Variants in GDPGP1 observed in about 807,000 individuals in gnomAD.
The protein encoded by GDPGP1 is GDP-D-glucose phosphorylase 1.
GDPGP1 carries 18 observed loss-of-function variants against 19.2 expected under a neutral mutation model. That is an observed-to-expected ratio of 0.94 (90% CI 0.65 to 1.39). GDPGP1 has a LOEUF of 1.39. GDPGP1 is among the 40% of genes most tolerant of loss of function. The probability of loss-of-function intolerance (pLI) is 0.00; values close to 1 mark genes in which losing one functional copy is unlikely to be tolerated. For synonymous variants in GDPGP1, 219 were observed against 208.9 expected (o/e 1.05, Z -0.42); for missense variants, 449 against 490.5 (o/e 0.92, Z 0.80).
At chr15:90,238,467 T>C (rs987201317) in intron 2 of GDPGP1, 25 bp from the exon 3 acceptor site, 1 of 152,240 alleles carries the variant, frequency 6.6e-6, no homozygotes, top group Non-Finnish European at 1.5e-5. Flanking sequence ...ATGTTTTGTT[T>C]CCTTTCTGTT....
At chr15:90,237,871 G>T (rs1310723926) in intron 2 of GDPGP1, among the ~76,000 whole-genome samples, 1 of 152,192 alleles carries the variant, frequency 6.6e-6, no homozygotes, top group Admixed American at 6.5e-5. Context: ...TGGATTGCTT[G>T]AGTCTGGGAG....
chr15:90,240,094 A>G (rs1962719824), intron 3 of GDPGP1, among the ~76,000 whole-genome samples: 1 of 149,178 alleles, frequency 6.7e-6, no homozygotes, highest in African/African-American at 2.6e-5. Flanking sequence ...GTGGTGGCAC[A>G]TTCCTATAAT....
rs201058142 is a variant in GDPGP1, at chr15:90,241,156, T to C, written c.248T>C (p.Leu83Pro). The change falls in exon 4 of 4, where the codon CTA becomes CCA. Residue 83 changes from leucine (L) to proline (P), a missense_variant. Transcript: ENST00000329600. Reference protein sequence around the residue: ...LGLFRYRLRELQTQILPGAVG... With the variant: ...LGLFRYRLREPQTQILPGAVG... ...CTGTTTCGCTACCGTCTACGGGAGC[T>C]ACAGACCCAAATCCTCCCTGGTGCT... is the stretch of plus-strand genomic sequence containing the variant. 1.2e-6 allele frequency: 2 copies of C among 1,614,172 alleles called. No individual in the cohort carries two copies. Among genetic ancestry groups the C allele is most frequent in the Non-Finnish European group, 8.5e-7 (1 of 1,180,008 alleles).
Position 90,241,430 on chromosome 15 carries a change from C to A in GDPGP1, c.522C>A (p.Ala174=). The A allele has an allele frequency of 6.2e-7, 1 of 1,613,520 alleles. No individual in the cohort carries two copies. Among genetic ancestry groups the A allele is most frequent in the Non-Finnish European group, 8.5e-7 (1 of 1,180,008 alleles). ...WGHVLLVPEP[A]RQLPQRLLPG... The stretch of plus-strand genomic sequence containing the variant: ...ACGTGCTGCTGGTGCCTGAGCCTGC[C>A]CGCCAGCTCCCCCAGCGCCTGCTGC... Residue 174 remains alanine, a synonymous_variant, in exon 4 of 4, where the codon GCC becomes GCA. Transcript: ENST00000329600.
Position 90,241,089 on chromosome 15 carries a change from G to T in GDPGP1, c.181G>T (p.Ala61Ser). The change falls in exon 4 of 4, where the codon GCT (alanine) becomes TCT (serine). Residue 61 changes from alanine (A) to serine (S), a missense_variant. Ala to Ser is a moderately conservative substitution (Grantham distance 99). Coordinates refer to ENST00000329600, the MANE Select transcript of GDPGP1 (RefSeq NM_001013657.3). ...PDALPQSPFD[A>S]ALCSAWKQRV... ...TGCTCTGCCACAATCTCCCTTTGATGCTGCACTCTGCTCTGCCTGGAAGCA... is the reference window on the plus strand; with the variant it reads ...TGCTCTGCCACAATCTCCCTTTGATTCTGCACTCTGCTCTGCCTGGAAGCA... 1 of 1,614,188 alleles carries T rather than the reference G, an allele frequency of 6.2e-7. No individual in the cohort carries two copies.
At position 90,241,791 on chromosome 15, in the gene GDPGP1, G is replaced by T. The variant is rs766384206; in HGVS notation, c.883G>T (p.Ala295Ser). ...IAHNLFVTRG[A>S]PPGKTSPSSA... ...TCATAACTTGTTTGTCACCCGGGGA[G>T]CTCCGCCGGGAAAGACATCACCTTC... The change falls in exon 4 of 4, where the codon GCT becomes TCT. Residue 295 changes from alanine to serine, a missense_variant. Physicochemically the swap from Ala to Ser is moderately conservative, Grantham distance 99. Coordinates refer to ENST00000329600, the MANE Select transcript of GDPGP1 (RefSeq NM_001013657.3). The T allele has an allele frequency of 6.2e-7, 1 of 1,614,230 alleles. No individual in the cohort carries two copies. The highest frequency in any genetic ancestry group is 1.3e-5 in the African/African-American group (1 of 75,052).
chr15:90,235,160 A>C (rs1962605993), intron 2 of GDPGP1, among the ~76,000 whole-genome samples: 1 of 151,452 alleles, frequency 6.6e-6, no homozygotes, highest in Non-Finnish European at 1.5e-5. Context: ...GCCTTTCCTG[A>C]CTCCCTAGAC....
chr15:90,235,482 C>G (rs1045532019), intron 2 of GDPGP1, among the ~76,000 whole-genome samples: 10 of 151,914 alleles, frequency 6.6e-5, no homozygotes, highest in African/African-American at 2.4e-4. Context: ...CCACTGCAGT[C>G]CAGCCTGGGC....
intron 3 of GDPGP1, among the ~76,000 whole-genome samples, chr15:90,239,438 A>G (rs1221126894): frequency 6.6e-6 from 1 of 152,128 alleles, no homozygotes; most frequent in East Asian, 1.9e-4. Context: ...AAGGGTGGAC[A>G]GGCCTCAGGA....
At position 90,244,443 on chromosome 15, in the gene GDPGP1, G is replaced by A. The variant is rs983188801; in HGVS notation, c.*2377G>A. On this transcript the variant is annotated 3_prime_UTR_variant, in exon 4 of 4. Transcript: ENST00000329600. ...TTTCACACTGGTTCCAGAGGAACTA[G>A]TCAGTAGACACTATTCTAAGAGAGT... is the stretch of plus-strand genomic sequence containing the variant. 3.3e-5 allele frequency: 5 copies of A among 152,204 alleles called. No homozygotes were observed. Among genetic ancestry groups the A allele is most frequent in the Non-Finnish European group, 7.3e-5 (5 of 68,050 alleles). 9.4% of individuals were successfully genotyped at this position (152,204 alleles called of 1,614,324 possible).
chr15:90,244,247 C>T lies in GDPGP1; in HGVS notation c.*2181C>T, dbSNP rs1423828263. The T allele has an allele frequency of 6.6e-6, 1 of 152,220 alleles. No individual in the cohort carries two copies. The highest frequency in any genetic ancestry group is 2.4e-5 in the African/African-American group (1 of 41,430). 9.4% of individuals were successfully genotyped at this position (152,220 alleles called of 1,614,324 possible). A position where few individuals can be genotyped will look rare whatever the true frequency, so the allele number is the denominator to read the frequency against. Reference sequence around the variant, plus strand: ...GTAGCACTGTCCTTAACAGTTTGCCCTCCCTGAGCCTCAGCCATCCCTCTT... The same window carrying T: ...GTAGCACTGTCCTTAACAGTTTGCCTTCCCTGAGCCTCAGCCATCCCTCTT... On this transcript the variant is annotated 3_prime_UTR_variant, in exon 4 of 4. Transcript: ENST00000329600.
rs565335610 is a variant in GDPGP1, at chr15:90,237,450, T to A, written c.-66-1042T>A. Among the ~76,000 whole-genome samples, 15 of 151,756 alleles carry A rather than the reference T, an allele frequency of 9.9e-5. No homozygotes were observed. The East Asian group carries it at 2.9e-3, about 29-fold the overall frequency. ...GTGTGTGCCCACCACCACGCCCAGCTAATTTTTGTATTTTTAGTAGACACA... is the reference window on the plus strand; with the variant it reads ...GTGTGTGCCCACCACCACGCCCAGCAAATTTTTGTATTTTTAGTAGACACA... On this transcript the variant is annotated intron_variant, in intron 2 of 3. Transcript: ENST00000329600.
chr15:90,241,581 G>A lies in GDPGP1; in HGVS notation c.673G>A (p.Ala225Thr). Residue 225 changes from alanine to threonine, a missense_variant, in exon 4 of 4, where the codon GCC becomes ACC. By Grantham distance (58) the Ala-to-Thr change is moderately conservative. Transcript: ENST00000329600. ...CCTCCACCTGCATGGCTATTACCTG[G>A]CCCACAGACTGCCCGTGGAGCAGGC... ...NHLHLHGYYL[A>T]HRLPVEQAPS... is the part of the protein sequence containing the mutation. 6.2e-7 allele frequency: 1 copy of A among 1,613,328 alleles called. No homozygotes were observed. Among genetic ancestry groups the A allele is most frequent in the Non-Finnish European group, 8.5e-7 (1 of 1,180,028 alleles).
intron 2 of GDPGP1, among the ~76,000 whole-genome samples, chr15:90,236,735 A>T (rs1962643336): frequency 1.3e-5 from 2 of 151,160 alleles, no homozygotes; most frequent in Non-Finnish European, 3.0e-5. Context: ...ACGGGGTTTC[A>T]CCATGTCGGC....
In GDPGP1 at chr15:90,243,640, GTTTTTT is replaced by G. The variant is rs3029932; in HGVS notation, c.*1599_*1604del. ...AAGATGCCACCACACCTTGGTGCAG[GTTTTTT>G]TTTTTTTTTTTTTTTTTTTTTTTTG... On this transcript the variant is annotated 3_prime_UTR_variant, in exon 4 of 4. Coordinates refer to ENST00000329600, the MANE Select transcript of GDPGP1 (RefSeq NM_001013657.3). 0.21 allele frequency: 20,903 copies of G among 100,564 alleles called. 1,921 individuals are homozygous for G. Among genetic ancestry groups the G allele is most frequent in the Middle Eastern group, 0.29 (45 of 154 alleles). The allele number at this position is 100,564 out of a possible 1,614,324, so 6.2% of individuals were successfully genotyped here. A position where few individuals can be genotyped will look rare whatever the true frequency, so the allele number is the denominator to read the frequency against.
chr15:90,237,709 T>TC (rs1825787345), intron 2 of GDPGP1, among the ~76,000 whole-genome samples: 1 of 152,216 alleles, frequency 6.6e-6, no homozygotes. Context: ...CTCTTTTTTT[T>TC]CTCCTTTTTT....
intron 2 of GDPGP1, among the ~76,000 whole-genome samples, chr15:90,236,401 A>G (rs1039913094): frequency 4.6e-5 from 7 of 152,250 alleles, no homozygotes; most frequent in African/African-American, 1.7e-4. Context: ...GCTGTGATCT[A>G]GATCTCTCAG....
intron 2 of GDPGP1, among the ~76,000 whole-genome samples, chr15:90,234,861 T>C (rs571306437): frequency 1.3e-5 from 2 of 152,292 alleles, no homozygotes; most frequent in African/African-American, 4.8e-5. Context: ...ATCGAATGCA[T>C]AATAAATGAA....
At chr15:90,239,892 T>C (rs1962714165) in intron 3 of GDPGP1, among the ~76,000 whole-genome samples, 1 of 152,170 alleles carries the variant, frequency 6.6e-6, no homozygotes, top group African/African-American at 2.4e-5. Flanking sequence ...ACCACTGCAC[T>C]CCTGCCTGGG....
Sources: gnomAD v4.1 joint callset for allele counts (sites outside exome capture counted in the v4.1 genomes callset) on GRCh38, gnomAD v4.1.1 for gene constraint, MANE v1.5 for transcripts, NCBI Gene and HGNC (gene_info 2026-07-23, HGNC 2026-07-21) for gene names.